The following DAB2IP variants were observed in gnomAD, a reference collection of about 807,000 sequenced individuals.
The protein encoded by DAB2IP is DAB2 interacting protein, also known as disabled homolog 2-interacting protein.
A neutral mutation model predicts 107.2 loss-of-function variants in DAB2IP; 28 were observed. That is an observed-to-expected ratio of 0.26 (90% CI 0.19 to 0.36). The LOEUF is 0.36. DAB2IP is among the 10% of genes least tolerant of loss of function. DAB2IP has a pLI of 1.00. For missense variants in DAB2IP, 1,400 were observed against 1,644.7 expected, an observed-to-expected ratio of 0.85 and a Z score of 2.57; for synonymous variants, 755 against 706.4, an observed-to-expected ratio of 1.07 and a Z score of -1.09.
chr9:121,643,652 G>A lies in DAB2IP; in HGVS notation c.41-35026G>A, dbSNP rs562812095. ...TCGCTATGCAGTCAACTCCTACTCA[G>A]CCGTCTAGCTCCATGCCAGTGTCTC... On this transcript the variant is annotated intron_variant, in intron 1 of 16. Coordinates refer to the DAB2IP transcript ENST00000259371. 4.7e-4 allele frequency among the ~76,000 whole-genome samples: 72 copies of A among 152,080 alleles called. 1 individual carries two copies. Among genetic ancestry groups the A allele is most frequent in the Admixed American group, 2.5e-3 (38 of 15,268 alleles).
rs115275836 is a variant in DAB2IP at position 121,606,559 on chromosome 9, C to T, written c.40+39331C>T. ...AGCTCAGGACTTCCCTGACTCCCCTCACTCCAGGTCCAGTGCTCACGGGCA... is the reference window on the plus strand; with the variant it reads ...AGCTCAGGACTTCCCTGACTCCCCTTACTCCAGGTCCAGTGCTCACGGGCA... On this transcript the variant is annotated intron_variant, in intron 1 of 16. Transcript: ENST00000259371. 9.6e-3 allele frequency among the ~76,000 whole-genome samples: 1,463 copies of T among 152,232 alleles called. 30 individuals are homozygous for T. The highest frequency in any genetic ancestry group is 0.033 in the African/African-American group (1,356 of 41,548).
At chr9:121,686,788 C>T in intron 2 of DAB2IP, among the ~76,000 whole-genome samples, 1 of 152,188 alleles carries the variant, frequency 6.6e-6, no homozygotes, top group Admixed American at 6.5e-5. Context: ...ACACCTGTTC[C>T]CTTTGCTTGT....
Position 121,776,304 on chromosome 9 carries a change from A to G in DAB2IP, c.3227A>G (p.Glu1076Gly), listed in dbSNP as rs777601063. The G allele has an allele frequency of 6.4e-7, 1 of 1,571,970 alleles. No individual in the cohort carries two copies. The highest frequency in any genetic ancestry group is 8.6e-7 in the Non-Finnish European group (1 of 1,158,462). The change falls in exon 14 of 16, where the codon GAG becomes GGG. Residue 1076 changes from glutamate (E) to glycine (G), a missense_variant. Physicochemically the swap from Glu to Gly is moderately conservative, Grantham distance 98. Coordinates refer to ENST00000408936, the Ensembl canonical transcript of DAB2IP. The surrounding 1 kb of genome is among the most constrained non-coding windows in gnomAD (Gnocchi z 5.4). ...GAGACGACGCAGAAGCTGGTGCTGGAGTACCAGGCACGGCTGGAGGAGGGC... is the reference window on the plus strand; with the variant it reads ...GAGACGACGCAGAAGCTGGTGCTGGGGTACCAGGCACGGCTGGAGGAGGGC...
Position 121,580,726 on chromosome 9 carries a change from G to A in DAB2IP, c.40+13498G>A, listed in dbSNP as rs569095770. Among the ~76,000 whole-genome samples, 15 of 152,122 alleles carry A rather than the reference G, an allele frequency of 9.9e-5. No homozygotes were observed. The East Asian group carries it at 2.7e-3, about 27-fold the overall frequency. On this transcript the variant is annotated intron_variant, in intron 1 of 16. Coordinates refer to the DAB2IP transcript ENST00000259371. ...TGCAAGCTCCGCCTCTCAGGTTCAC[G>A]CCATTCTCCTGCCTCAGCCTCCTGA...
Position 121,678,705 on chromosome 9 carries a change from G to A in DAB2IP, c.152G>A (p.Arg51Gln), listed in dbSNP as rs377424901. The change falls in exon 2 of 16, where the codon CGG becomes CAG. Residue 51 changes from arginine (R) to glutamine (Q), a missense_variant. By Grantham distance (43) the Arg-to-Gln change is conservative (BLOSUM62 1). Coordinates refer to ENST00000408936, the Ensembl canonical transcript of DAB2IP. ...TCGCCTCAAGAAAGGCCGGGCTCTC[G>A]GCGCAGCCTGCCTGGCAGCCTTTCC... The A allele has an allele frequency of 6.0e-5, 96 of 1,587,732 alleles. No individual in the cohort carries two copies. The highest frequency in any genetic ancestry group is 7.9e-5 in the Non-Finnish European group (92 of 1,165,688).
intron 1 of DAB2IP, among the ~76,000 whole-genome samples, chr9:121,605,060 C>T (rs1407138822): frequency 6.6e-6 from 1 of 152,204 alleles, no homozygotes; most frequent in East Asian, 1.9e-4. Context: ...CCTTCTGTCG[C>T]CCAGGCTGGA....
chr9:121,600,431 T>A (rs928735957), intron 1 of DAB2IP, among the ~76,000 whole-genome samples: 2 of 152,204 alleles, frequency 1.3e-5, no homozygotes, highest in Non-Finnish European at 2.9e-5. Flanking sequence ...CGCCACCTGC[T>A]TCCAGTGCTC....
intron 1 of DAB2IP, among the ~76,000 whole-genome samples, chr9:121,614,373 C>G (rs1471073319): frequency 7.3e-6 from 1 of 136,982 alleles, no homozygotes; most frequent in Non-Finnish European, 1.5e-5. Flanking sequence ...GGGAGTCTCG[C>G]TCTGTTGCCG....
intron 2 of DAB2IP, 130 bp downstream of exon 2, chr9:121,678,911 G>C (rs1828425873): frequency 1.1e-6 from 1 of 871,444 alleles, no homozygotes. Flanking sequence ...GGCCTCCCTT[G>C]CTCTAGGTAT....
intron 1 of DAB2IP, among the ~76,000 whole-genome samples, chr9:121,620,646 TG>T (rs951712674): frequency 2.0e-5 from 3 of 152,096 alleles, no homozygotes; most frequent in Admixed American, 6.6e-5. Context: ...CCAGCCACCC[TG>T]GGGGGGTCCT....
intron 14 of DAB2IP, among the ~76,000 whole-genome samples, chr9:121,780,291 T>G (rs1329392575): frequency 6.6e-6 from 1 of 152,156 alleles, no homozygotes; most frequent in African/African-American, 2.4e-5. Context: ...CAAGCTTTCC[T>G]CAGAGTGATA....
At chr9:121,697,699 T>G (rs1010718986) in intron 2 of DAB2IP, among the ~76,000 whole-genome samples, 1 of 152,146 alleles carries the variant, frequency 6.6e-6, no homozygotes, top group Non-Finnish European at 1.5e-5. Flanking sequence ...TGAGAGGCAT[T>G]TGGACTCCAC....
chr9:121,664,603 T>A (rs577906379), intron 1 of DAB2IP, among the ~76,000 whole-genome samples: 1 of 152,364 alleles, frequency 6.6e-6, no homozygotes, highest in African/African-American at 2.4e-5. Context: ...GTGTTAAATT[T>A]ATTAAGTATA....
At chr9:121,750,070 C>A (rs1832997062) in intron 3 of DAB2IP, among the ~76,000 whole-genome samples, 1 of 152,200 alleles carries the variant, frequency 6.6e-6, no homozygotes, top group Non-Finnish European at 1.5e-5. Context: ...CACCCCTGCC[C>A]TCCTGAGCCT....
intron 2 of DAB2IP, among the ~76,000 whole-genome samples, chr9:121,683,854 T>A (rs1422611796): frequency 6.6e-6 from 1 of 152,132 alleles, no homozygotes. Flanking sequence ...GAGAAGAGTA[T>A]TTCAGTTAGT....
chr9:121,773,571 T>C, intron 12 of DAB2IP, 76 bp downstream of exon 12: 5 of 1,332,242 alleles, frequency 3.8e-6, no homozygotes, highest in Non-Finnish European at 4.8e-6. Context: ...ACCATGCTCC[T>C]CCTCTCGGTC....
At chr9:121,747,362 C>CTTTT (rs1564196322) in intron 3 of DAB2IP, among the ~76,000 whole-genome samples, 2 of 130,280 alleles carry the variant, frequency 1.5e-5, no homozygotes, top group Admixed American at 7.3e-5. Flanking sequence ...TTTTTTTTTC[C>CTTTT]CCTGAGACAG....
intron 3 of DAB2IP, among the ~76,000 whole-genome samples, chr9:121,740,660 T>G (rs1411200465): frequency 1.3e-5 from 2 of 152,172 alleles, no homozygotes; most frequent in Non-Finnish European, 2.9e-5. Flanking sequence ...ATGCATCGGC[T>G]TGAGGGTGCA....
intron 3 of DAB2IP, among the ~76,000 whole-genome samples, chr9:121,703,612 CTT>C (rs1347691552): frequency 6.6e-6 from 1 of 152,214 alleles, no homozygotes; most frequent in African/African-American, 2.4e-5. Context: ...ATTTAGCACA[CTT>C]TTCATAGAAA....
Sources: gnomAD v4.1 joint callset for allele counts (sites outside exome capture counted in the v4.1 genomes callset) on GRCh38, gnomAD v4.1.1 for gene constraint, Gnocchi (gnomAD v3.1) non-coding constraint, MANE v1.5 for transcripts, NCBI Gene and HGNC (gene_info 2026-07-23, HGNC 2026-07-21) for gene names.